The following AFG1L variants were observed in gnomAD, a reference collection of about 807,000 sequenced individuals.
AFG1L encodes AFG1-like ATPase.
A neutral mutation model predicts 62.2 loss-of-function variants in AFG1L; 53 were observed. The observed-to-expected ratio is 0.85, with a 90% CI of 0.68 to 1.07. The LOEUF (loss-of-function observed/expected upper bound fraction) is 1.07. AFG1L is among the 50% of genes least tolerant of loss of function. AFG1L has a pLI of 0.00. For missense variants in AFG1L, 555 were observed against 590.5 expected (o/e 0.94, Z 0.62); for synonymous variants, 228 against 210.3 (o/e 1.08, Z -0.73).
At chr6:108,481,510 A>G (rs1374817684) in intron 10 of AFG1L, among the ~76,000 whole-genome samples, 1 of 152,210 alleles carries the variant, frequency 6.6e-6, no homozygotes, top group African/African-American at 2.4e-5. Flanking sequence ...AAGCACTGAT[A>G]GGTGAAACTG....
At chr6:108,350,893 G>A (rs148343608) in intron 3 of AFG1L, among the ~76,000 whole-genome samples, 23 of 152,282 alleles carry the variant, frequency 1.5e-4, no homozygotes, top group African/African-American at 5.1e-4. Context: ...AGTTCTCCCT[G>A]GCTTGGATGT....
intron 6 of AFG1L, chr6:108,388,027 T>G (rs1414796553): frequency 6.6e-6 from 1 of 152,190 alleles, no homozygotes; most frequent in Non-Finnish European, 1.5e-5. Flanking sequence ...CATCTGGTAG[T>G]AAGGCCTTTA....
chr6:108,464,447 A>G (rs746081237), intron 8 of AFG1L, among the ~76,000 whole-genome samples: 1 of 152,180 alleles, frequency 6.6e-6, no homozygotes, highest in Non-Finnish European at 1.5e-5. Context: ...ATATGGAAAA[A>G]TAAATCATGA....
At chr6:108,384,736 A>T (rs1218803440) in intron 6 of AFG1L, among the ~76,000 whole-genome samples, 1 of 152,178 alleles carries the variant, frequency 6.6e-6, no homozygotes, top group Admixed American at 6.5e-5. Context: ...AAGACAAGAA[A>T]TCTCAGCAGA....
chr6:108,495,332 G>A (rs1773933409), intron 10 of AFG1L, among the ~76,000 whole-genome samples: 1 of 152,198 alleles, frequency 6.6e-6, no homozygotes, highest in African/African-American at 2.4e-5. Context: ...ATAAGGAGGA[G>A]TCTATACAGA....
intron 8 of AFG1L, among the ~76,000 whole-genome samples, chr6:108,466,778 A>AAT (rs905624218): frequency 2.0e-5 from 3 of 148,020 alleles, no homozygotes; most frequent in East Asian, 3.9e-4. Context: ...TATTTTAAAA[A>AAT]ATATATATAT....
chr6:108,408,188 G>A (rs949092688), intron 7 of AFG1L, among the ~76,000 whole-genome samples: 3 of 150,962 alleles, frequency 2.0e-5, no homozygotes, highest in East Asian at 3.9e-4. Context: ...GTGCAGTGGC[G>A]TGAGGCTTAT....
Position 108,324,722 on chromosome 6 carries a change from C to T in AFG1L, c.363+674C>T, listed in dbSNP as rs538433476. 6.4e-4 allele frequency among the ~76,000 whole-genome samples: 96 copies of T among 149,248 alleles called. 1 individual carries two copies. The highest frequency in any genetic ancestry group is 1.9e-3 in the African/African-American group (78 of 40,458). On this transcript the variant is annotated intron_variant, in intron 2 of 12. Transcript: ENST00000368977. ...TTTTTTTTTTTTTGAGACAGAGTCT[C>T]GCTCTGTCACTTGGGCTGGAGTGCA...
chr6:108,345,372 TTGAG>T (rs1275497278), intron 2 of AFG1L, among the ~76,000 whole-genome samples: 3 of 152,120 alleles, frequency 2.0e-5, no homozygotes, highest in African/African-American at 7.2e-5. Flanking sequence ...GATTGATTGA[TTGAG>T]TGAGACAGGG....
intron 6 of AFG1L, among the ~76,000 whole-genome samples, chr6:108,391,565 C>T (rs1039981688): frequency 2.0e-5 from 3 of 152,148 alleles, no homozygotes; most frequent in Non-Finnish European, 4.4e-5. Context: ...AAGATTTTCT[C>T]CCACTCTGTG....
At chr6:108,425,041 CAGA>C (rs1398460925) in intron 7 of AFG1L, among the ~76,000 whole-genome samples, 3 of 152,086 alleles carry the variant, frequency 2.0e-5, no homozygotes, top group Admixed American at 1.3e-4. Flanking sequence ...TCAGTGTATA[CAGA>C]AGAAGTTACC....
chr6:108,441,790 A>G (rs1044483540), intron 7 of AFG1L, among the ~76,000 whole-genome samples: 6 of 151,530 alleles, frequency 4.0e-5, no homozygotes, highest in Non-Finnish European at 4.4e-5. Context: ...CTTTGGTAAT[A>G]GTTCTTTTGC....
At chr6:108,477,589 A>G (rs1352065553) in intron 10 of AFG1L, among the ~76,000 whole-genome samples, 1 of 152,198 alleles carries the variant, frequency 6.6e-6, no homozygotes, top group Non-Finnish European at 1.5e-5. Context: ...GTCAAACATA[A>G]GAGATTTTGG....
intron 6 of AFG1L, among the ~76,000 whole-genome samples, chr6:108,375,272 G>A (rs1780195362): frequency 6.6e-6 from 1 of 152,056 alleles, no homozygotes; most frequent in South Asian, 2.1e-4. Context: ...TACTGTCTGT[G>A]AAGAAAAATA....
intron 8 of AFG1L, among the ~76,000 whole-genome samples, chr6:108,453,208 T>G (rs1037211289): frequency 2.6e-5 from 4 of 152,238 alleles, no homozygotes; most frequent in African/African-American, 9.6e-5. Flanking sequence ...CATTTCAATA[T>G]GGGGATTTTG....
intron 7 of AFG1L, among the ~76,000 whole-genome samples, chr6:108,405,496 T>G (rs1210521365): frequency 6.6e-6 from 1 of 152,038 alleles, no homozygotes; most frequent in African/African-American, 2.4e-5. Context: ...ATAGGCGTAT[T>G]CCACCATGCC....
intron 2 of AFG1L, among the ~76,000 whole-genome samples, chr6:108,336,802 A>AT (rs1175735815): frequency 1.3e-5 from 2 of 152,136 alleles, no homozygotes; most frequent in African/African-American, 4.8e-5. Context: ...CATTTGTTTA[A>AT]TTTTCTCTCT....
chr6:108,403,788 CTT>C (rs906943669), intron 7 of AFG1L, among the ~76,000 whole-genome samples: 1 of 143,780 alleles, frequency 7.0e-6, no homozygotes. Flanking sequence ...TGTAGCTGTA[CTT>C]TTTTTTTTTT....
Position 108,500,171 on chromosome 6 carries a change from C to CGCGT in AFG1L, c.1063-10040_1063-10039insCGTG, listed in dbSNP as rs1554204024. ...GCTGTGTAGTATTCCATGGTGCGTG[C>CGCGT]GTGTGTGTGTGTGTGTGTGTGTGTG... On this transcript the variant is annotated intron_variant, in intron 10 of 12. Transcript: ENST00000368977. Among the ~76,000 whole-genome samples, 22 of 135,140 alleles carry CGCGT rather than the reference C, an allele frequency of 1.6e-4. No homozygotes were observed. In the East Asian group the frequency reaches 4.8e-3, roughly 29 times the overall value. The allele number at this position is 135,140 out of a possible 152,430, so 88.7% of individuals were successfully genotyped here. A position where few individuals can be genotyped will look rare whatever the true frequency, so the allele number is the denominator to read the frequency against.
Sources: allele counts gnomAD v4.1 joint callset (sites outside exome capture counted in the v4.1 genomes callset), GRCh38; gene constraint gnomAD v4.1.1; transcripts MANE v1.5; gene names NCBI Gene and HGNC (gene_info 2026-07-23, HGNC 2026-07-21).